MAPK14: variants seen among roughly 807,000 people sequenced by gnomAD.
The protein encoded by MAPK14 is CSAID-binding protein.
MAPK14 carries 16 observed loss-of-function variants against 49.6 expected under a neutral mutation model. The observed-to-expected ratio is 0.32, with a 90% CI of 0.22 to 0.49. The LOEUF (loss-of-function observed/expected upper bound fraction) is 0.49, where lower values mean the gene tolerates loss of function less well. Among genes scored for constraint, MAPK14 ranks in the 20% least tolerant of loss-of-function variants. The pLI, the probability that MAPK14 is intolerant of heterozygous loss-of-function variation, is 0.99. For synonymous variants in MAPK14, 142 were observed against 158.0 expected (o/e 0.90, Z 0.76); for missense variants, 200 against 441.2 (o/e 0.45, Z 4.90).
chr6:36,093,372 G>C (rs1581835096), intron 8 of MAPK14, among the ~76,000 whole-genome samples: 1 of 152,116 alleles, frequency 6.6e-6, no homozygotes, highest in East Asian at 1.9e-4. Context: ...GTGAAGTTCA[G>C]GTAGTTGAGA....
intron 9 of MAPK14, among the ~76,000 whole-genome samples, chr6:36,099,519 G>A (rs1765561089): frequency 6.6e-6 from 1 of 152,212 alleles, no homozygotes; most frequent in Admixed American, 6.5e-5. Flanking sequence ...AGGAAATCAT[G>A]TGGCATGCTT....
At chr6:36,114,959 G>A (rs911785819), downstream of MAPK14, among the ~76,000 whole-genome samples, 5 of 152,272 alleles carry the variant, frequency 3.3e-5, no homozygotes, top group African/African-American at 1.2e-4. Flanking sequence ...AGGGGGCATC[G>A]AGGCTGTCTT....
rs376944552 is a variant in MAPK14, at chr6:36,069,858, C to T, written c.306-3015C>T. Among the ~76,000 whole-genome samples the T allele has an allele frequency of 1.1e-4, 17 of 152,266 alleles. No homozygotes were observed. The South Asian group carries it at 3.5e-3, about 32-fold the overall frequency. ...GTTTTGCCTAACCTTTGTGAACTGG[C>T]TCAGGCCTATTAGTTAGGACTAGTA... On this transcript the variant is annotated intron_variant, in intron 3 of 11. Coordinates refer to ENST00000229794, the MANE Select transcript of MAPK14 (RefSeq NM_139012.3).
chr6:36,029,545 A>G (rs1762455909), intron 1 of MAPK14, among the ~76,000 whole-genome samples: 1 of 152,192 alleles, frequency 6.6e-6, no homozygotes. Flanking sequence ...GCGTCATTTG[A>G]AAACGGGCCT....
intron 8 of MAPK14, among the ~76,000 whole-genome samples, chr6:36,088,823 C>T (rs1453235920): frequency 6.6e-6 from 1 of 151,996 alleles, no homozygotes; most frequent in Admixed American, 6.5e-5. Context: ...GTGTCACTGA[C>T]CATTAGAGAA....
chr6:36,069,339 C>T (rs1488423376), intron 3 of MAPK14, among the ~76,000 whole-genome samples: 1 of 152,144 alleles, frequency 6.6e-6, no homozygotes, highest in Non-Finnish European at 1.5e-5. Flanking sequence ...AGCAACTTTG[C>T]ATGATGCTTG....
chr6:36,115,524 C>T (rs1362513111), downstream of MAPK14, among the ~76,000 whole-genome samples: 2 of 152,188 alleles, frequency 1.3e-5, no homozygotes, highest in Non-Finnish European at 2.9e-5. Flanking sequence ...GTGGCTCGCA[C>T]CTGTAATCCC....
At chr6:36,064,362 C>T (rs955979676) in intron 3 of MAPK14, among the ~76,000 whole-genome samples, 2 of 148,794 alleles carry the variant, frequency 1.3e-5, no homozygotes, top group Admixed American at 7.0e-5. Context: ...ACTATTTCCT[C>T]AAATTTCATG....
intron 3 of MAPK14, among the ~76,000 whole-genome samples, chr6:36,067,364 A>G (rs1023309605): frequency 6.6e-6 from 1 of 152,056 alleles, no homozygotes; most frequent in Non-Finnish European, 1.5e-5. Flanking sequence ...TTATATATTC[A>G]TATATGCCTT....
At chr6:36,038,650 C>T (rs1052841251) in intron 1 of MAPK14, among the ~76,000 whole-genome samples, 1 of 152,176 alleles carries the variant, frequency 6.6e-6, no homozygotes, top group Non-Finnish European at 1.5e-5. Flanking sequence ...CAAGCCCTGA[C>T]CCATGCTCAC....
At chr6:36,055,185 T>G (rs562720779) in intron 2 of MAPK14, among the ~76,000 whole-genome samples, 232 of 152,372 alleles carry the variant, frequency 1.5e-3, no homozygotes, top group African/African-American at 4.8e-3. Flanking sequence ...GGAGGCAGCC[T>G]GCCAGCTGCA....
At chr6:36,055,398 G>T (rs992975318) in intron 2 of MAPK14, among the ~76,000 whole-genome samples, 3 of 152,154 alleles carry the variant, frequency 2.0e-5, no homozygotes, top group Non-Finnish European at 4.4e-5. Flanking sequence ...TGGATACTGA[G>T]TTAAAGTATT....
At position 36,107,577 on chromosome 6, in the gene MAPK14, C is replaced by G. The variant is rs780844650; in HGVS notation, c.964C>G (p.Pro322Ala). Residue 322 changes from proline to alanine, a missense_variant, in exon 11 of 12, where the codon CCT becomes GCT. Transcript: ENST00000229794. This position sits in a 1 kb window ranked among gnomAD's most constrained non-coding sequence, Gnocchi z 4.3. ...TCCTGATGATGAACCAGTGGCCGAT[C>G]CTTATGATCAGTCCTTTGAAAGCAG... ...HDPDDEPVAD[P>A]YDQSFESRDL... 6 of 1,604,550 alleles carry G rather than the reference C, an allele frequency of 3.7e-6. No homozygotes were observed. In the East Asian group the frequency reaches 1.1e-4, roughly 30 times the overall value.
Position 36,050,232 on chromosome 6 carries a change from C to CAG in MAPK14, c.117-2457_117-2456dup, listed in dbSNP as rs1297243370. ...TGAGTACATCAGAGAGACAGACAGA[C>CAG]AGAGAGAGAGAAGTGCAAGGGAGTG... On this transcript the variant is annotated intron_variant, in intron 1 of 11. Coordinates refer to ENST00000229794, the MANE Select transcript of MAPK14 (RefSeq NM_139012.3). Among the ~76,000 whole-genome samples, 13 of 151,944 alleles carry CAG rather than the reference C, an allele frequency of 8.6e-5. No homozygotes were observed. In the East Asian group the frequency reaches 2.5e-3, roughly 29 times the overall value.
At chr6:36,029,961 ATATC>A (rs1562091636) in intron 1 of MAPK14, among the ~76,000 whole-genome samples, 5 of 146,746 alleles carry the variant, frequency 3.4e-5, no homozygotes, top group African/African-American at 1.0e-4. Context: ...CATATTATAT[ATATC>A]TAGTTGATTT....
intron 1 of MAPK14, among the ~76,000 whole-genome samples, chr6:36,031,127 G>C (rs1056024995): frequency 6.6e-6 from 1 of 152,148 alleles, no homozygotes; most frequent in African/African-American, 2.4e-5. Flanking sequence ...CGATTCTCCT[G>C]CCTCAGCCTC....
At chr6:36,083,752 T>G (rs1764861079) in intron 8 of MAPK14, among the ~76,000 whole-genome samples, 1 of 152,180 alleles carries the variant, frequency 6.6e-6, no homozygotes, top group Non-Finnish European at 1.5e-5. Flanking sequence ...TCTCCACAGA[T>G]CAGCAGAGTT....
chr6:36,059,370 C>T, intron 3 of MAPK14, 23 bp downstream of exon 3: 1 of 1,562,818 alleles, frequency 6.4e-7, no homozygotes, highest in Middle Eastern at 1.7e-4. Flanking sequence ...TTTGCATTTG[C>T]CTTCCTGGTC....
intron 8 of MAPK14, among the ~76,000 whole-genome samples, chr6:36,082,621 T>C (rs1180045307): frequency 1.3e-5 from 2 of 152,146 alleles, no homozygotes; most frequent in African/African-American, 4.8e-5. Context: ...CAGACTCTTT[T>C]AAACAACCAG....
Sources: allele counts gnomAD v4.1 joint callset (sites outside exome capture counted in the v4.1 genomes callset), GRCh38; gene constraint gnomAD v4.1.1; non-coding constraint Gnocchi (gnomAD v3.1); transcripts MANE v1.5; gene names NCBI Gene and HGNC (gene_info 2026-07-23, HGNC 2026-07-21).